The following MRS2 variants were observed in gnomAD, a reference collection of about 807,000 sequenced individuals.
MRS2 encodes the protein magnesium transporter MRS2.
In MRS2, 40 loss-of-function variants were observed where a neutral mutation model predicts 52.6. The ratio of observed to expected loss-of-function variants is 0.76; its 90% CI spans 0.59 to 0.99. The LOEUF is 0.99. Ranked by LOEUF, MRS2 falls within the 50% of genes least tolerant of loss-of-function variation. The pLI, the probability that MRS2 is intolerant of heterozygous loss-of-function variation, is 0.00. For missense variants in MRS2, 472 were observed against 532.7 expected, an observed-to-expected ratio of 0.89 and a Z score of 1.12; for synonymous variants, 193 against 195.9, an observed-to-expected ratio of 0.98 and a Z score of 0.13.
At chr6:24,413,630 C>G (rs1761740435) in intron 5 of MRS2, among the ~76,000 whole-genome samples, 1 of 152,174 alleles carries the variant, frequency 6.6e-6, no homozygotes, top group African/African-American at 2.4e-5. Flanking sequence ...TTTGGCTGTC[C>G]AGTCTTCCCT....
chr6:24,420,896 C>G (rs1762022753), intron 9 of MRS2, among the ~76,000 whole-genome samples: 1 of 152,130 alleles, frequency 6.6e-6, no homozygotes, highest in Non-Finnish European at 1.5e-5. Flanking sequence ...ATGATCATGT[C>G]AGTGACGTAG....
At chr6:24,419,789 G>T (rs1761981121) in intron 9 of MRS2, among the ~76,000 whole-genome samples, 1 of 152,192 alleles carries the variant, frequency 6.6e-6, no homozygotes, top group Non-Finnish European at 1.5e-5. Flanking sequence ...CAAAGTCTGT[G>T]GGTATTCAAG....
intron 2 of MRS2, among the ~76,000 whole-genome samples, chr6:24,405,820 T>C (rs1761453355): frequency 6.8e-6 from 1 of 146,910 alleles, no homozygotes; most frequent in South Asian, 2.2e-4. Flanking sequence ...TAAAAAGGTG[T>C]GCCGGCCGGG....
Position 24,418,109 on chromosome 6 carries a change from C to G in MRS2, c.862C>G (p.His288Asp). ...TGAAAAGAGCAGTGCTGGGATTGAC[C>G]ATGCAGAAGAGATGGAGTTGCTGTT... ...VFEKSSAGID[H>D]AEEMELLLEN... Residue 288 changes from histidine to aspartate, a missense_variant, in exon 8 of 11, where the codon CAT (histidine) becomes GAT (aspartate). Coordinates refer to ENST00000378386, the MANE Select transcript of MRS2 (RefSeq NM_020662.4). The G allele has an allele frequency of 6.2e-7, 1 of 1,612,636 alleles. No individual in the cohort carries two copies. Among genetic ancestry groups the G allele is most frequent in the Non-Finnish European group, 8.5e-7 (1 of 1,179,582 alleles).
At chr6:24,416,376 T>G in intron 6 of MRS2, 21 bp from the exon 7 acceptor site, 1 of 946,028 alleles carries the variant, frequency 1.1e-6, no homozygotes, top group Non-Finnish European at 1.7e-6. Flanking sequence ...TTGATCATTT[T>G]TGTGTATCTA....
At chr6:24,405,823 C>T (rs900145814) in intron 2 of MRS2, among the ~76,000 whole-genome samples, 3 of 148,224 alleles carry the variant, frequency 2.0e-5, no homozygotes, top group East Asian at 2.0e-4. Flanking sequence ...AAAGGTGTGC[C>T]GGCCGGGCGT....
At position 24,423,707 on chromosome 6, in the gene MRS2, G is replaced by T; in HGVS notation, c.*13G>T. 1 of 1,390,264 alleles carries T rather than the reference G, an allele frequency of 7.2e-7. No homozygotes were observed. The highest frequency in any genetic ancestry group is 1.3e-5 in the South Asian group (1 of 77,732). 86.1% of individuals were successfully genotyped at this position (1,390,264 alleles called of 1,614,324 possible). ...AACAAACCGTTAGGAACAGCCCCGT[G>T]GATACTGAAGTTTTTTTTATGGTAG... On this transcript the variant is annotated 3_prime_UTR_variant, in exon 11 of 11. Transcript: ENST00000378386.
At chr6:24,418,282 A>T (rs769791388) in intron 8 of MRS2, 46 bp downstream of exon 8, 49 of 1,473,494 alleles carry the variant, frequency 3.3e-5, no homozygotes, top group Admixed American at 7.0e-5. Flanking sequence ...TAAAATAATT[A>T]TAAGAAAGTT....
chr6:24,405,050 A>C, intron 1 of MRS2, 118 bp from the exon 2 acceptor site: 1 of 616,466 alleles, frequency 1.6e-6, no homozygotes, highest in South Asian at 2.2e-5. Flanking sequence ...TCTTATAGGA[A>C]AAATATTTAA....
At position 24,419,372 on chromosome 6, in the gene MRS2, G is replaced by C. The variant is rs1021658674; in HGVS notation, c.1107+794G>C. On this transcript the variant is annotated intron_variant, in intron 9 of 10. Transcript: ENST00000378386. ...AGATAAATACAGCCTAGGTTACTTT[G>C]TTTCCCAAAACATATAATTACAGAT... 1.2e-4 allele frequency: 19 copies of C among 152,176 alleles called. 1 individual carries two copies. Among genetic ancestry groups the C allele is most frequent in the Non-Finnish European group, 1.5e-5 (1 of 68,030 alleles). The allele number at this position is 152,176 out of a possible 1,614,324, so 9.4% of individuals were successfully genotyped here.
At chr6:24,418,359 T>TG (rs1300877637) in intron 8 of MRS2, 102 bp from the exon 9 acceptor site, 101 of 1,531,072 alleles carry the variant, frequency 6.6e-5, no homozygotes, top group Admixed American at 1.1e-4. Context: ...TATTATTTTT[T>TG]TTGTTGTGTA....
At chr6:24,420,138 G>C (rs1318162196) in intron 9 of MRS2, among the ~76,000 whole-genome samples, 1 of 152,136 alleles carries the variant, frequency 6.6e-6, no homozygotes. Flanking sequence ...CCATCTTGTG[G>C]GTAGCCACTT....
intron 5 of MRS2, among the ~76,000 whole-genome samples, chr6:24,414,109 A>T (rs769669431): frequency 2.6e-5 from 4 of 151,794 alleles, no homozygotes; most frequent in Non-Finnish European, 5.9e-5. Context: ...TTGATCCCTC[A>T]TTACTTCATA....
At chr6:24,418,665 G>A in intron 9 of MRS2, 87 bp downstream of exon 9, 7 of 973,370 alleles carry the variant, frequency 7.2e-6, no homozygotes, top group Admixed American at 5.6e-5. Context: ...TTAGGAGGCT[G>A]AGGCAGGTGG....
intron 5 of MRS2, 23 bp from the exon 6 acceptor site, chr6:24,415,010 T>G: frequency 6.4e-7 from 1 of 1,554,658 alleles, no homozygotes; most frequent in Non-Finnish European, 8.8e-7. Context: ...TTAATTCTTA[T>G]GAAAGGTCAT....
chr6:24,415,104 C>T lies in MRS2; in HGVS notation c.660C>T (p.Asp220=), dbSNP rs763827384. ...TTGAGACCTTGGATGCTTTGGTGGA[C>T]CCCAAACATTCTTCTGTAGACAGAA... ...LILETLDALV[D]PKHSSVDRSK... The change falls in exon 6 of 11, where the codon GAC becomes GAT. Residue 220 remains aspartate, a synonymous_variant. Coordinates refer to ENST00000378386, the MANE Select transcript of MRS2 (RefSeq NM_020662.4). 2.5e-6 allele frequency: 4 copies of T among 1,611,468 alleles called. No homozygotes were observed. The South Asian group carries it at 4.4e-5, about 18-fold the overall frequency.
chr6:24,421,738 G>T (rs1362214421), intron 9 of MRS2, among the ~76,000 whole-genome samples: 1 of 152,186 alleles, frequency 6.6e-6, no homozygotes, highest in Non-Finnish European at 1.5e-5. Flanking sequence ...TAACCACAGT[G>T]CAGCTATCAA....
At chr6:24,403,930 G>C (rs1761373630) in intron 1 of MRS2, among the ~76,000 whole-genome samples, 1 of 152,058 alleles carries the variant, frequency 6.6e-6, no homozygotes, top group Admixed American at 6.6e-5. Context: ...AAACAGCCAG[G>C]GAGATCGGAT....
chr6:24,412,542 A>G, intron 5 of MRS2, 147 bp downstream of exon 5: 1 of 506,830 alleles, frequency 2.0e-6, no homozygotes, highest in Non-Finnish European at 3.4e-6. Context: ...TCCTACATGG[A>G]GATATCACTT....
Sources: gnomAD v4.1 joint callset for allele counts (sites outside exome capture counted in the v4.1 genomes callset) on GRCh38, gnomAD v4.1.1 for gene constraint, MANE v1.5 for transcripts, NCBI Gene and HGNC (gene_info 2026-07-23, HGNC 2026-07-21) for gene names.